The following CXADR variants were observed in gnomAD, a reference collection of about 807,000 sequenced individuals.
CXADR encodes CXADR cell adhesion molecule, also known as coxsackievirus and adenovirus receptor.
Under a neutral mutation model 40.3 loss-of-function variants are expected in CXADR, and 20 were observed. The observed-to-expected ratio is 0.50, with a 90% CI of 0.35 to 0.72. The LOEUF (loss-of-function observed/expected upper bound fraction) is 0.72, where lower values mean the gene tolerates loss of function less well. Ranked by LOEUF, CXADR falls within the 30% of genes least tolerant of loss-of-function variation. CXADR has a pLI of 0.01. For synonymous variants in CXADR, 150 were observed against 161.3 expected (o/e 0.93, Z 0.53); for missense variants, 332 against 449.1 (o/e 0.74, Z 2.36).
chr21:17,543,052 G>T (rs2060849638), intron 1 of CXADR: 2 of 353,288 alleles, frequency 5.7e-6, no homozygotes, highest in Admixed American at 3.6e-5. Flanking sequence ...GGAATTGAAG[G>T]CTTTAACCAT....
intron 1 of CXADR, among the ~76,000 whole-genome samples, chr21:17,544,610 G>A (rs966063697): frequency 6.6e-6 from 1 of 152,158 alleles, no homozygotes; most frequent in Non-Finnish European, 1.5e-5. Flanking sequence ...TCACACAGTG[G>A]CCGGTGACCG....
At chr21:17,636,213 T>A in the CXADR span, among the ~76,000 whole-genome samples, 2 of 152,230 alleles carry the variant, frequency 1.3e-5, no homozygotes, top group Non-Finnish European at 2.9e-5. Flanking sequence ...TTTTGATAGA[T>A]GACAATATCG....
the CXADR span, among the ~76,000 whole-genome samples, chr21:17,619,540 G>T: frequency 1.3e-5 from 2 of 151,470 alleles, no homozygotes; most frequent in South Asian, 4.2e-4. Context: ...AGTGAGCCAA[G>T]ATGGTGCCAT....
At chr21:17,598,880 A>C in the CXADR span, 2 of 1,417,666 alleles carry the variant, frequency 1.4e-6, no homozygotes, top group African/African-American at 2.9e-5. Context: ...AAAGCAAAAA[A>C]TGTCCATAAA....
chr21:17,631,095 G>A, the CXADR span, among the ~76,000 whole-genome samples: 1 of 152,080 alleles, frequency 6.6e-6, no homozygotes, highest in Non-Finnish European at 1.5e-5. Context: ...AAAGAATGAT[G>A]GAAATCTGAA....
At chr21:17,518,525 C>T in intron 1 of CXADR, 9 of 955,828 alleles carry the variant, frequency 9.4e-6, no homozygotes, top group South Asian at 7.7e-5. Flanking sequence ...AAAACCATGC[C>T]AGCTTCATTC....
intron 3 of CXADR, among the ~76,000 whole-genome samples, chr21:17,558,482 C>T: frequency 6.6e-6 from 1 of 152,036 alleles, no homozygotes; most frequent in Non-Finnish European, 1.5e-5. Context: ...ATGCAGAATG[C>T]TAGTTGTTCC....
At chr21:17,594,353 T>G, downstream of CXADR, 1 of 1,599,110 alleles carries the variant, frequency 6.3e-7, no homozygotes, top group Non-Finnish European at 8.5e-7. Flanking sequence ...GAGAACACAT[T>G]AAGTTAATTC....
the CXADR span, among the ~76,000 whole-genome samples, chr21:17,600,485 T>C: frequency 6.6e-6 from 1 of 152,308 alleles, no homozygotes. Context: ...AGAATGGTTA[T>C]CTATTATAAA....
intron 1 of CXADR, among the ~76,000 whole-genome samples, chr21:17,515,565 A>C (rs375376916): frequency 1.3e-5 from 2 of 152,188 alleles, no homozygotes; most frequent in Non-Finnish European, 2.9e-5. Context: ...TAATCCCAGC[A>C]CTTTGGGAGG....
intron 1 of CXADR, among the ~76,000 whole-genome samples, chr21:17,532,107 T>C (rs1208006563): frequency 1.3e-5 from 2 of 151,144 alleles, no homozygotes; most frequent in Non-Finnish European, 3.0e-5. Flanking sequence ...ACTTAAAAAT[T>C]TTTTTTTTAG....
the CXADR span, among the ~76,000 whole-genome samples, chr21:17,609,599 A>G: frequency 2.6e-5 from 4 of 152,252 alleles, no homozygotes; most frequent in Non-Finnish European, 1.5e-5. Context: ...TTATAACAGA[A>G]AAGTTCGGCA....
rs72153877 is a variant in CXADR at position 17,545,781 on chromosome 21, GTTTT to G, written c.44-1234_44-1231del. ...ATGAGTCAACTATTTGGTTTTTTTT[GTTTT>G]TTTTTTTTTTTGAGACAGAGTTTCA... On this transcript the variant is annotated intron_variant, in intron 1 of 6. Transcript: ENST00000284878. Among the ~76,000 whole-genome samples, 15 of 120,688 alleles carry G rather than the reference GTTTT, an allele frequency of 1.2e-4. 1 individual carries two copies. Among genetic ancestry groups the G allele is most frequent in the Admixed American group, 4.1e-4 (5 of 12,296 alleles). The allele number at this position is 120,688 out of a possible 152,430, so 79.2% of individuals were successfully genotyped here. A position where few individuals can be genotyped will look rare whatever the true frequency, so the allele number is the denominator to read the frequency against.
At chr21:17,582,665 G>A (rs760613165) in intron 7 of CXADR, among the ~76,000 whole-genome samples, 4 of 152,186 alleles carry the variant, frequency 2.6e-5, no homozygotes, top group Non-Finnish European at 4.4e-5. Flanking sequence ...AGCAGCTCTG[G>A]CTGTGTTCAT....
At chr21:17,513,197 A>C (rs1238995700) in intron 1 of CXADR, 25 bp downstream of exon 1, 1 of 1,356,564 alleles carries the variant, frequency 7.4e-7, no homozygotes, top group Non-Finnish European at 9.5e-7. Context: ...TGGGGTCCTC[A>C]GCACCCGCCC....
intron 2 of CXADR, among the ~76,000 whole-genome samples, chr21:17,548,749 G>A (rs1384270854): frequency 2.0e-5 from 3 of 152,262 alleles, no homozygotes; most frequent in Non-Finnish European, 4.4e-5. Flanking sequence ...GTCTGTTAAT[G>A]AGAAGAAGAC....
At chr21:17,580,580 G>T (rs899257447) in intron 7 of CXADR, among the ~76,000 whole-genome samples, 1 of 152,018 alleles carries the variant, frequency 6.6e-6, no homozygotes, top group Non-Finnish European at 1.5e-5. Context: ...ACTGAACTCC[G>T]GCCTGGGTGA....
At chr21:17,522,832 T>G (rs936369099) in intron 1 of CXADR, among the ~76,000 whole-genome samples, 5 of 152,210 alleles carry the variant, frequency 3.3e-5, no homozygotes, top group Non-Finnish European at 7.3e-5. Flanking sequence ...TCTCCAACTT[T>G]ACCCACATCA....
chr21:17,610,938 C>T, the CXADR span, among the ~76,000 whole-genome samples: 1 of 152,146 alleles, frequency 6.6e-6, no homozygotes, highest in African/African-American at 2.4e-5. Context: ...ACACAGTTAT[C>T]TGAGAGGTGT....
Sources: gnomAD v4.1 joint callset for allele counts (sites outside exome capture counted in the v4.1 genomes callset) on GRCh38, gnomAD v4.1.1 for gene constraint, MANE v1.5 for transcripts, NCBI Gene and HGNC (gene_info 2026-07-23, HGNC 2026-07-21) for gene names.